JMJD1C: variants seen among roughly 807,000 people sequenced by gnomAD.
JMJD1C encodes jumonji domain containing 1C, also known as jumonji domain-containing protein 1C.
Under a neutral mutation model 245.3 loss-of-function variants are expected in JMJD1C, and 31 were observed. The observed-to-expected ratio is 0.13, with a 90% CI of 0.09 to 0.17. The LOEUF is 0.17. JMJD1C is among the 10% of genes least tolerant of loss of function. The pLI is 1.00. For missense variants in JMJD1C, 2,691 were observed against 3,000.2 expected, an observed-to-expected ratio of 0.90 and a Z score of 2.41; for synonymous variants, 1,057 against 1,017.4, an observed-to-expected ratio of 1.04 and a Z score of -0.74.
intron 2 of JMJD1C, chr10:63,301,779 G>A (rs1230446787): frequency 2.3e-6 from 1 of 433,728 alleles, no homozygotes; most frequent in East Asian, 7.5e-5. Flanking sequence ...TAACAAACCG[G>A]CACGTTCTGC....
chr10:63,390,286 T>C (rs897104821), intron 1 of JMJD1C, among the ~76,000 whole-genome samples: 2 of 152,010 alleles, frequency 1.3e-5, no homozygotes, highest in African/African-American at 4.8e-5. Context: ...CTTGAAGAAA[T>C]GGATAAATTC....
At chr10:63,206,077 T>C (rs960855185) in intron 10 of JMJD1C, among the ~76,000 whole-genome samples, 1 of 152,208 alleles carries the variant, frequency 6.6e-6, no homozygotes, top group African/African-American at 2.4e-5. Flanking sequence ...TCTGTGAATT[T>C]TGGTATCCGT....
intron 1 of JMJD1C, among the ~76,000 whole-genome samples, chr10:63,442,504 A>T (rs2132940038): frequency 6.6e-6 from 1 of 152,352 alleles, no homozygotes; most frequent in South Asian, 2.1e-4. Context: ...CTAGCAATGC[A>T]GCAGAATGTT....
At chr10:63,401,558 T>C (rs1429051230) in intron 1 of JMJD1C, among the ~76,000 whole-genome samples, 2 of 152,166 alleles carry the variant, frequency 1.3e-5, no homozygotes, top group Non-Finnish European at 2.9e-5. Context: ...GAATATACCC[T>C]TGTATTAATT....
chr10:63,187,448 T>A (rs922288662), intron 18 of JMJD1C, among the ~76,000 whole-genome samples: 1 of 152,200 alleles, frequency 6.6e-6, no homozygotes. Context: ...ATCTTTTTAC[T>A]TTTTTTGGAG....
chr10:63,342,865 T>C (rs1943496596), intron 2 of JMJD1C, among the ~76,000 whole-genome samples: 1 of 152,246 alleles, frequency 6.6e-6, no homozygotes, highest in Admixed American at 6.5e-5. Flanking sequence ...CACACCATTA[T>C]TTAAAATATT....
At chr10:63,362,458 CATATATATATTTATTT>C (rs547635041) in intron 2 of JMJD1C, among the ~76,000 whole-genome samples, 3 of 103,038 alleles carry the variant, frequency 2.9e-5, no homozygotes, top group African/African-American at 5.5e-5. Context: ...TTCAGTTACA[CATATATATATTTATTT>C]ATATATATAT....
chr10:63,385,643 G>C (rs1947536739), intron 1 of JMJD1C, among the ~76,000 whole-genome samples: 1 of 151,532 alleles, frequency 6.6e-6, no homozygotes, highest in Admixed American at 6.6e-5. Context: ...ATGGGGTCTT[G>C]CTATATTGTT....
At chr10:63,203,996 T>G (rs1846314258) in intron 10 of JMJD1C, 2 of 983,490 alleles carry the variant, frequency 2.0e-6, no homozygotes, top group South Asian at 9.4e-5. Flanking sequence ...CTTAAAGAAC[T>G]TTTCTGTGCT....
intron 3 of JMJD1C, among the ~76,000 whole-genome samples, chr10:63,243,107 A>C: frequency 8.0e-6 from 1 of 125,546 alleles, no homozygotes; most frequent in Non-Finnish European, 1.8e-5. Flanking sequence ...CATAAATTAT[A>C]TATATATATA....
At chr10:63,327,013 C>T (rs1941597691) in intron 2 of JMJD1C, among the ~76,000 whole-genome samples, 1 of 151,988 alleles carries the variant, frequency 6.6e-6, no homozygotes, top group Admixed American at 6.6e-5. Flanking sequence ...ACAGTGAGAC[C>T]CCATCTCTAC....
chr10:63,334,147 T>C (rs1942452619), intron 2 of JMJD1C, among the ~76,000 whole-genome samples: 3 of 152,228 alleles, frequency 2.0e-5, no homozygotes, highest in Non-Finnish European at 4.4e-5. Flanking sequence ...TTCTTCAGCA[T>C]GTACCACTTT....
intron 3 of JMJD1C, among the ~76,000 whole-genome samples, chr10:63,253,834 C>T (rs954457977): frequency 3.3e-5 from 5 of 152,180 alleles, no homozygotes; most frequent in Admixed American, 6.5e-5. Context: ...CGCATCCCTA[C>T]GACCAGAATG....
At chr10:63,448,123 A>G (rs1293075958) in intron 1 of JMJD1C, among the ~76,000 whole-genome samples, 1 of 152,116 alleles carries the variant, frequency 6.6e-6, no homozygotes, top group Non-Finnish European at 1.5e-5. Flanking sequence ...GAATTTAGTA[A>G]AACTAAACAT....
In JMJD1C at chr10:63,268,860, T is replaced by C. The variant is rs187783691; in HGVS notation, c.334-4096A>G. ...GAGCTCACTTGCAGCGGCGTCATTG[T>C]ATAGGAAGAAAAGCCAAGACCACAG... On this transcript the variant is annotated intron_variant, in intron 2 of 25. Coordinates refer to ENST00000399262, the MANE Select transcript of JMJD1C (RefSeq NM_032776.3). 208 of 985,822 alleles carry C rather than the reference T, an allele frequency of 2.1e-4. 1 individual carries two copies. In the African/African-American group the frequency reaches 3.4e-3, roughly 16 times the overall value. 61.1% of individuals were successfully genotyped at this position (985,822 alleles called of 1,614,324 possible). A position where few individuals can be genotyped will look rare whatever the true frequency, so the allele number is the denominator to read the frequency against.
intron 2 of JMJD1C, among the ~76,000 whole-genome samples, chr10:63,312,782 A>G (rs1939401612): frequency 6.6e-6 from 1 of 152,178 alleles, no homozygotes; most frequent in Non-Finnish European, 1.5e-5. Flanking sequence ...AATGTATTCC[A>G]AAGTATTTGT....
At chr10:63,467,253 A>AG (rs769613599), upstream of JMJD1C, among the ~76,000 whole-genome samples, 5 of 151,616 alleles carry the variant, frequency 3.3e-5, no homozygotes, top group Non-Finnish European at 5.9e-5. Context: ...TCACGCCTGT[A>AG]ATCCCTGCAC....
chr10:63,473,979 G>A (rs924015923), intron 1 of JMJD1C, among the ~76,000 whole-genome samples: 2 of 151,872 alleles, frequency 1.3e-5, no homozygotes, highest in African/African-American at 4.8e-5. Context: ...GGAGGCGAAC[G>A]TTGCAGTGAG....
chr10:63,250,896 A>G (rs1852974510), intron 3 of JMJD1C, among the ~76,000 whole-genome samples: 2 of 152,164 alleles, frequency 1.3e-5, no homozygotes, highest in Non-Finnish European at 2.9e-5. Context: ...GCATGGCACC[A>G]CATGTGGCTA....
Sources: allele counts gnomAD v4.1 joint callset (sites outside exome capture counted in the v4.1 genomes callset), GRCh38; gene constraint gnomAD v4.1.1; transcripts MANE v1.5; gene names NCBI Gene and HGNC (gene_info 2026-07-23, HGNC 2026-07-21).